The following RABL3 variants were observed in gnomAD, a reference collection of about 807,000 sequenced individuals.
RABL3 encodes rab-like protein 3.
RABL3 carries 31 observed loss-of-function variants against 31.8 expected under a neutral mutation model. The observed-to-expected ratio is 0.97, with a 90% CI of 0.73 to 1.31. The LOEUF (loss-of-function observed/expected upper bound fraction) is 1.31, where lower values mean the gene tolerates loss of function less well. Among genes scored for constraint, RABL3 ranks in the 40% most tolerant of loss-of-function variants. The pLI, the probability that RABL3 is intolerant of heterozygous loss-of-function variation, is 0.00. For missense variants in RABL3, 263 were observed against 279.6 expected, an observed-to-expected ratio of 0.94 and a Z score of 0.42; for synonymous variants, 97 against 99.9, an observed-to-expected ratio of 0.97 and a Z score of 0.18.
chr3:120,737,434 T>C (rs977933492), intron 1 of RABL3, among the ~76,000 whole-genome samples: 5 of 152,238 alleles, frequency 3.3e-5, no homozygotes, highest in African/African-American at 4.8e-5. Context: ...CTAATCTTTT[T>C]TCAAGGTTTT....
chr3:120,720,701 A>T (rs1169435106), intron 2 of RABL3, among the ~76,000 whole-genome samples: 3 of 152,258 alleles, frequency 2.0e-5, no homozygotes, highest in African/African-American at 4.8e-5. Flanking sequence ...GACCAAATCT[A>T]TGTCTGACTG....
chr3:120,714,135 G>GAA (rs1247229846), intron 2 of RABL3, among the ~76,000 whole-genome samples: 2 of 152,108 alleles, frequency 1.3e-5, no homozygotes, highest in African/African-American at 4.8e-5. Context: ...TTAAAATGCA[G>GAA]AAACATATTT....
At chr3:120,697,442 T>A (rs564937347) in intron 5 of RABL3, among the ~76,000 whole-genome samples, 26 of 152,242 alleles carry the variant, frequency 1.7e-4, no homozygotes, top group Non-Finnish European at 4.4e-5. Context: ...GCTCAATAAA[T>A]GTTGCTCACT....
At position 120,706,040 on chromosome 3, in the gene RABL3, T is replaced by C. The variant is rs770789248; in HGVS notation, c.343A>G (p.Asn115Asp). Residue 115 changes from asparagine (N) to aspartate (D), a missense_variant, in exon 4 of 8, where the codon AAC becomes GAC. Transcript: ENST00000273375. The part of the protein sequence containing the change: ...NLRRWSLEAL[N>D]RDLVPTGVLV... ...ACTCCAGTTGGCACCAAATCCCTGTTGAGAGCTTCCAATGACCAACGACGC... is the reference window on the plus strand; with the variant it reads ...ACTCCAGTTGGCACCAAATCCCTGTCGAGAGCTTCCAATGACCAACGACGC... 1 of 1,613,928 alleles carries C rather than the reference T, an allele frequency of 6.2e-7. No homozygotes were observed. The highest frequency in any genetic ancestry group is 2.2e-5 in the East Asian group (1 of 44,866).
At chr3:120,741,470 C>G (rs994121645) in intron 1 of RABL3, among the ~76,000 whole-genome samples, 1 of 152,178 alleles carries the variant, frequency 6.6e-6, no homozygotes, top group East Asian at 1.9e-4. Context: ...AACGTCTTTG[C>G]TCACAACACA....
At chr3:120,697,594 T>C (rs1467787224) in intron 5 of RABL3, among the ~76,000 whole-genome samples, 5 of 152,166 alleles carry the variant, frequency 3.3e-5, no homozygotes, top group Non-Finnish European at 7.3e-5. Context: ...ATGACAACCA[T>C]TTCTTAGCTT....
rs191940068 is a variant in RABL3 at position 120,742,404 on chromosome 3, A to C, written c.46+58T>G. On this transcript the variant is annotated intron_variant, in intron 1 of 7. Coordinates refer to ENST00000273375, the MANE Select transcript of RABL3 (RefSeq NM_173825.5). ...AAGTTGAGGGAAGGAAGCTAAGGGG[A>C]GGGTTACTGGGTAACTCAAAAGTGT... The C allele has an allele frequency of 9.3e-4, 1,410 of 1,517,028 alleles. 5 individuals carry two copies. The highest frequency in any genetic ancestry group is 1.0e-3 in the Non-Finnish European group (1,096 of 1,091,820). The allele number at this position is 1,517,028 out of a possible 1,614,324, so 94.0% of individuals were successfully genotyped here.
At chr3:120,712,188 C>G (rs181058397) in intron 2 of RABL3, among the ~76,000 whole-genome samples, 1 of 152,086 alleles carries the variant, frequency 6.6e-6, no homozygotes, top group Non-Finnish European at 1.5e-5. Context: ...ATATGCTACT[C>G]TATAAACAGC....
intron 2 of RABL3, among the ~76,000 whole-genome samples, chr3:120,721,248 C>A (rs939570229): frequency 6.6e-6 from 1 of 152,138 alleles, no homozygotes; most frequent in Non-Finnish European, 1.5e-5. Flanking sequence ...AGCGTAAAGA[C>A]CATCGAGGCT....
chr3:120,718,805 T>C (rs1173480517), intron 2 of RABL3, among the ~76,000 whole-genome samples: 4 of 152,244 alleles, frequency 2.6e-5, no homozygotes, highest in Admixed American at 6.5e-5. Flanking sequence ...TAAAAATAAG[T>C]TGGCTTTAAC....
At chr3:120,740,288 G>T (rs2107600852) in intron 1 of RABL3, among the ~76,000 whole-genome samples, 1 of 152,198 alleles carries the variant, frequency 6.6e-6, no homozygotes, top group Admixed American at 6.5e-5. Flanking sequence ...TGGAGACAGG[G>T]TCTCACTCTA....
At chr3:120,708,909 T>A (rs111546730) in intron 3 of RABL3, among the ~76,000 whole-genome samples, 11 of 151,952 alleles carry the variant, frequency 7.2e-5, no homozygotes, top group African/African-American at 2.7e-4. Context: ...TTTTGTAGAG[T>A]CTACAACACC....
chr3:120,742,365 G>T, intron 1 of RABL3, 97 bp downstream of exon 1: 1 of 1,165,974 alleles, frequency 8.6e-7, no homozygotes, highest in Non-Finnish European at 1.3e-6. Context: ...TCAGCCACGG[G>T]CCGAGGAGCC....
intron 1 of RABL3, among the ~76,000 whole-genome samples, chr3:120,740,198 TC>T (rs1337561005): frequency 6.6e-6 from 1 of 152,224 alleles, no homozygotes; most frequent in Admixed American, 6.5e-5. Context: ...CTTTCAGGGT[TC>T]CTTACCAAAT....
At position 120,709,781 on chromosome 3, in the gene RABL3, A is replaced by G. The variant is rs1365296032; in HGVS notation, c.267T>C (p.Asn89=). 1.9e-6 allele frequency: 3 copies of G among 1,606,386 alleles called. No individual in the cohort carries two copies. Among genetic ancestry groups the G allele is most frequent in the African/African-American group, 1.3e-5 (1 of 74,468 alleles). ...GATAGAAATTTAAAAATGTTTTACCATTTACGGAGTTGTAGAATACTGCTC... is the reference window on the plus strand; with the variant it reads ...GATAGAAATTTAAAAATGTTTTACCGTTTACGGAGTTGTAGAATACTGCTC... The part of the protein sequence containing the change: ...STRAVFYNSV[N]GIIFVHDLTN... Residue 89 remains asparagine, a splice_region_variant and synonymous_variant, in exon 3 of 8, where the codon AAT becomes AAC. Transcript: ENST00000273375.
At chr3:120,701,252 A>G (rs1052120360) in intron 4 of RABL3, among the ~76,000 whole-genome samples, 5 of 152,168 alleles carry the variant, frequency 3.3e-5, no homozygotes, top group African/African-American at 1.2e-4. Context: ...AACATTGAAT[A>G]CTACTCCAGT....
intron 2 of RABL3, among the ~76,000 whole-genome samples, chr3:120,723,955 C>G (rs377431665): frequency 3.3e-5 from 5 of 152,108 alleles, no homozygotes; most frequent in South Asian, 2.1e-4. Context: ...CCAGGGCAAT[C>G]AGGCAGGAGA....
chr3:120,711,699 A>G lies in RABL3; in HGVS notation c.139-1790T>C, dbSNP rs1304945826. 3.9e-5 allele frequency among the ~76,000 whole-genome samples: 6 copies of G among 152,302 alleles called. No individual in the cohort carries two copies. The East Asian group carries it at 1.2e-3, about 29-fold the overall frequency. On this transcript the variant is annotated intron_variant, in intron 2 of 7. Coordinates refer to ENST00000273375, the MANE Select transcript of RABL3 (RefSeq NM_173825.5). ...ATTATGATATATGGCAAGCAGATTA[A>G]AGTATGCTGGTTCATGAGTACACAT...
intron 2 of RABL3, among the ~76,000 whole-genome samples, chr3:120,719,017 T>C (rs6779005): frequency 6.6e-6 from 1 of 151,952 alleles, no homozygotes; most frequent in Non-Finnish European, 1.5e-5. Flanking sequence ...TCACACTTAC[T>C]GTTGGAGATT....
Sources: allele counts gnomAD v4.1 joint callset (sites outside exome capture counted in the v4.1 genomes callset), GRCh38; gene constraint gnomAD v4.1.1; transcripts MANE v1.5; gene names NCBI Gene and HGNC (gene_info 2026-07-23, HGNC 2026-07-21).